COLGALT2: variants seen among roughly 807,000 people sequenced by gnomAD.
COLGALT2 encodes the protein procollagen galactosyltransferase 2.
Under a neutral mutation model 73.4 loss-of-function variants are expected in COLGALT2, and 49 were observed. The observed-to-expected ratio is 0.67, with a 90% CI of 0.53 to 0.85. The LOEUF is 0.85. Ranked by LOEUF, COLGALT2 falls within the 40% of genes least tolerant of loss-of-function variation. The probability of loss-of-function intolerance (pLI) is 0.00; values close to 1 mark genes in which losing one functional copy is unlikely to be tolerated. For synonymous variants in COLGALT2, 295 were observed against 307.6 expected (o/e 0.96, Z 0.43); for missense variants, 722 against 790.2 (o/e 0.91, Z 1.03).
intron 1 of COLGALT2, among the ~76,000 whole-genome samples, chr1:183,991,975 C>A (rs1671640038): frequency 6.6e-6 from 1 of 152,066 alleles, no homozygotes; most frequent in African/African-American, 2.4e-5. Context: ...GGGAGAGGAG[C>A]ATGCATAAAT....
chr1:184,030,308 G>C (rs80035331), intron 1 of COLGALT2, among the ~76,000 whole-genome samples: 2 of 152,228 alleles, frequency 1.3e-5, no homozygotes, highest in African/African-American at 4.8e-5. Context: ...AATTCCTGAT[G>C]AATAATAGCT....
chr1:184,016,250 G>T (rs1370594522), intron 1 of COLGALT2, among the ~76,000 whole-genome samples: 1 of 152,172 alleles, frequency 6.6e-6, no homozygotes, highest in Non-Finnish European at 1.5e-5. Flanking sequence ...AGCAAATCTG[G>T]AGTGGGACTT....
Position 183,938,913 on chromosome 1 carries a change from T to C in COLGALT2, c.1729A>G (p.Ile577Val), listed in dbSNP as rs1264414876. 2 of 1,614,164 alleles carry C rather than the reference T, an allele frequency of 1.2e-6. No homozygotes were observed. Among genetic ancestry groups the C allele is most frequent in the Non-Finnish European group, 1.7e-6 (2 of 1,180,018 alleles). The change falls in exon 12 of 12, where the codon ATC (isoleucine) becomes GTC (valine). Residue 577 changes from isoleucine (I) to valine (V), a missense_variant. Coordinates refer to ENST00000361927, the MANE Select transcript of COLGALT2 (RefSeq NM_015101.4). Reference sequence around the variant, plus strand: ...GTGGCCACTGTCTCATTGTCCCAGATGGTGGAGGTCTCCGTGTCACTCAGG... The same window carrying C: ...GTGGCCACTGTCTCATTGTCCCAGACGGTGGAGGTCTCCGTGTCACTCAGG... Reference protein sequence around the residue: ...GYLSDTETSTIWDNETVATDW... With the variant: ...GYLSDTETSTVWDNETVATDW...
chr1:184,013,690 T>C (rs1210285730), intron 1 of COLGALT2, among the ~76,000 whole-genome samples: 1 of 151,984 alleles, frequency 6.6e-6, no homozygotes, highest in East Asian at 1.9e-4. Flanking sequence ...TATGGCCAAG[T>C]TTTACCTAAA....
intron 1 of COLGALT2, among the ~76,000 whole-genome samples, chr1:183,994,580 G>A (rs12758284): frequency 0.1 from 15,445 of 151,982 alleles, 943 homozygotes; most frequent in Admixed American, 0.17. Context: ...TCAGCCTCCC[G>A]AATAGCTCGG....
downstream of COLGALT2, among the ~76,000 whole-genome samples, chr1:183,935,586 C>T (rs544317825): frequency 6.6e-6 from 1 of 152,348 alleles, no homozygotes; most frequent in Non-Finnish European, 1.5e-5. Context: ...CACTCCCTCC[C>T]AGTGGGGGCT....
At chr1:184,009,018 T>C (rs1422598409) in intron 1 of COLGALT2, among the ~76,000 whole-genome samples, 2 of 152,164 alleles carry the variant, frequency 1.3e-5, no homozygotes, top group East Asian at 3.8e-4. Context: ...AGTAAAACAA[T>C]AGATAATTCA....
chr1:183,938,298 A>G lies in COLGALT2; in HGVS notation c.*463T>C, dbSNP rs747911674. The G allele has an allele frequency of 3.6e-5, 36 of 989,438 alleles. No homozygotes were observed. The highest frequency in any genetic ancestry group is 1.0e-3 in the Middle Eastern group (2 of 1,938). 61.3% of individuals were successfully genotyped at this position (989,438 alleles called of 1,614,324 possible). On this transcript the variant is annotated 3_prime_UTR_variant, in exon 12 of 12. Coordinates refer to ENST00000361927, the MANE Select transcript of COLGALT2 (RefSeq NM_015101.4). The stretch of plus-strand genomic sequence containing the variant: ...GATTTTAAGTGATTCCTGTCCCCCA[A>G]AAGTTGCACACACAAGTTTTCAATG...
chr1:183,966,879 T>C (rs1185806139), intron 5 of COLGALT2, among the ~76,000 whole-genome samples: 1 of 152,214 alleles, frequency 6.6e-6, no homozygotes, highest in Non-Finnish European at 1.5e-5. Flanking sequence ...TCCTCACTCA[T>C]CACCCACATG....
chr1:184,024,656 T>A (rs77428565), intron 1 of COLGALT2, among the ~76,000 whole-genome samples: 39 of 48,060 alleles, frequency 8.1e-4, no homozygotes, highest in African/African-American at 2.7e-3. Context: ...CAGCCTCAGC[T>A]TTTTTTTTTT....
intron 6 of COLGALT2, among the ~76,000 whole-genome samples, chr1:183,955,985 T>C (rs1572636517): frequency 6.6e-6 from 1 of 152,210 alleles, no homozygotes; most frequent in African/African-American, 2.4e-5. Context: ...GTCCCACCAC[T>C]GTGCTCATAG....
chr1:183,944,145 AAG>A, intron 10 of COLGALT2, 49 bp downstream of exon 10: 1 of 1,556,674 alleles, frequency 6.4e-7, no homozygotes, highest in Non-Finnish European at 8.7e-7. Context: ...GCGCATTGGA[AAG>A]GACTGAGTGC....
chr1:184,004,165 C>T (rs960325284), intron 1 of COLGALT2, among the ~76,000 whole-genome samples: 2 of 151,982 alleles, frequency 1.3e-5, no homozygotes, highest in African/African-American at 4.8e-5. Context: ...TCTTAAAATC[C>T]ATGTCTAGTT....
intron 8 of COLGALT2, among the ~76,000 whole-genome samples, chr1:183,947,588 T>A (rs1670285069): frequency 6.6e-6 from 1 of 152,198 alleles, no homozygotes; most frequent in South Asian, 2.1e-4. Flanking sequence ...ACTTATGCGA[T>A]ACACTTAACA....
At chr1:184,037,012 C>T in intron 1 of COLGALT2, 83 bp downstream of exon 1, 1 of 1,174,310 alleles carries the variant, frequency 8.5e-7, no homozygotes, top group Admixed American at 4.4e-5. Context: ...CCTCGCCCTG[C>T]AGCTGCTGCT....
At chr1:184,015,245 C>T (rs1648962100) in intron 1 of COLGALT2, among the ~76,000 whole-genome samples, 1 of 152,176 alleles carries the variant, frequency 6.6e-6, no homozygotes, top group Admixed American at 6.5e-5. Context: ...GGGAACATGG[C>T]AGAATGAGAG....
At chr1:183,950,636 G>C (rs1670371364) in intron 8 of COLGALT2, among the ~76,000 whole-genome samples, 1 of 152,076 alleles carries the variant, frequency 6.6e-6, no homozygotes, top group Non-Finnish European at 1.5e-5. Context: ...ATTTTCTTCA[G>C]ATTGACCAAG....
At chr1:183,981,390 T>C (rs1047003677) in intron 1 of COLGALT2, among the ~76,000 whole-genome samples, 2 of 152,094 alleles carry the variant, frequency 1.3e-5, no homozygotes, top group Non-Finnish European at 2.9e-5. Context: ...CGGTGGCTCA[T>C]GCCCGCAATT....
chr1:183,966,747 A>G (rs1006641123), intron 5 of COLGALT2, among the ~76,000 whole-genome samples: 5 of 152,204 alleles, frequency 3.3e-5, no homozygotes, highest in African/African-American at 4.8e-5. Flanking sequence ...ACTGGCCACA[A>G]TGGGAGGTGA....
Sources: allele counts gnomAD v4.1 joint callset (sites outside exome capture counted in the v4.1 genomes callset), GRCh38; gene constraint gnomAD v4.1.1; transcripts MANE v1.5; gene names NCBI Gene and HGNC (gene_info 2026-07-23, HGNC 2026-07-21).